The following POLR2D variants were observed in gnomAD, a reference collection of about 807,000 sequenced individuals.
The protein encoded by POLR2D is RNA polymerase II subunit D, also known as DNA-directed RNA polymerase II subunit RPB4.
POLR2D carries 10 observed loss-of-function variants against 17.6 expected under a neutral mutation model. That is an observed-to-expected ratio of 0.57 (90% CI 0.35 to 0.96). The LOEUF is 0.96. POLR2D is among the 40% of genes least tolerant of loss of function. The pLI, the probability that POLR2D is intolerant of heterozygous loss-of-function variation, is 0.02. For synonymous variants in POLR2D, 52 were observed against 60.2 expected, an observed-to-expected ratio of 0.86 and a Z score of 0.63; for missense variants, 126 against 176.4, an observed-to-expected ratio of 0.71 and a Z score of 1.62.
At chr2:127,857,703 G>C (rs1366314438) in intron 1 of POLR2D, 1 of 689,958 alleles carries the variant, frequency 1.4e-6, no homozygotes, top group African/African-American at 1.9e-5. Flanking sequence ...AGTTGAGTTC[G>C]GTTCACGCTG....
rs1491561908 is a variant in POLR2D, at chr2:127,845,594, C to CA, written c.*2512dup. On this transcript the variant is annotated 3_prime_UTR_variant, in exon 4 of 4. Transcript: ENST00000272645. ...TTCTCCATGTTGGTCAGGATGGTCT[C>CA]AAACTCCCAACCTCAGGTGATCCGC... The CA allele has an allele frequency of 6.6e-6, 1 of 151,988 alleles. No homozygotes were observed. The highest frequency in any genetic ancestry group is 2.4e-5 in the African/African-American group (1 of 41,346). 9.4% of individuals were successfully genotyped at this position (151,988 alleles called of 1,614,324 possible). A position where few individuals can be genotyped will look rare whatever the true frequency, so the allele number is the denominator to read the frequency against.
intron 3 of POLR2D, among the ~76,000 whole-genome samples, chr2:127,849,836 A>C (rs1385590641): frequency 2.0e-5 from 3 of 151,968 alleles, no homozygotes; most frequent in Admixed American, 1.3e-4. Context: ...ACTTGAGGCC[A>C]GAAGTTTGAG....
chr2:127,852,970 C>T lies in POLR2D; in HGVS notation c.209G>A (p.Arg70His). 6.2e-7 allele frequency: 1 copy of T among 1,613,980 alleles called. No individual in the cohort carries two copies. Among genetic ancestry groups the T allele is most frequent in the Non-Finnish European group, 8.5e-7 (1 of 1,179,914 alleles). Residue 70 changes from arginine to histidine, a missense_variant, in exon 2 of 4, where the codon CGT (arginine) becomes CAT (histidine). Coordinates refer to ENST00000272645, the MANE Select transcript of POLR2D (RefSeq NM_004805.4). This position sits in a 1 kb window ranked among gnomAD's most constrained non-coding sequence, Gnocchi z 4.0. ...VFMKTLNYTA[R>H]FSRFKNRETI... Reference sequence around the variant, plus strand: ...CTCTCTGTTTTTGAAACGACTGAAACGGGCTGTGTAGTTTAATGTTTTCAT... The same window carrying T: ...CTCTCTGTTTTTGAAACGACTGAAATGGGCTGTGTAGTTTAATGTTTTCAT...
Position 127,848,123 on chromosome 2 carries a change from C to T in POLR2D, c.413G>A (p.Arg138His). ...QQILDDIQTK[R>H]SFQY Reference sequence around the variant, plus strand: ...GTTTGGAGATTAATACTGAAAGCTGCGCTTTGTCTGGATATCATCAAGAAT... The same window carrying T: ...GTTTGGAGATTAATACTGAAAGCTGTGCTTTGTCTGGATATCATCAAGAAT... Residue 138 changes from arginine to histidine, a missense_variant, in exon 4 of 4, where the codon CGC becomes CAC. By Grantham distance (29) the Arg-to-His change is conservative. Transcript: ENST00000272645. The T allele has an allele frequency of 6.2e-7, 1 of 1,608,774 alleles. No individual in the cohort carries two copies. Among genetic ancestry groups the T allele is most frequent in the Non-Finnish European group, 8.5e-7 (1 of 1,175,166 alleles).
Position 127,853,005 on chromosome 2 carries a change from T to G in POLR2D, c.174A>C (p.Ser58=). The G allele has an allele frequency of 6.2e-7, 1 of 1,613,752 alleles. No individual in the cohort carries two copies. Among genetic ancestry groups the G allele is most frequent in the Non-Finnish European group, 8.5e-7 (1 of 1,179,586 alleles). The change falls in exon 2 of 4, where the codon TCA becomes TCC. Residue 58 remains serine, a synonymous_variant. Coordinates refer to ENST00000272645, the MANE Select transcript of POLR2D (RefSeq NM_004805.4). Reference sequence around the variant, plus strand: ...AGTTTAATGTTTTCATGAAGACTTCTGAGAGCTCCTGTTCGTCCTCTGCAC... The same window carrying G: ...AGTTTAATGTTTTCATGAAGACTTCGGAGAGCTCCTGTTCGTCCTCTGCAC... The part of the protein sequence containing the change: ...NESAEDEQEL[S]EVFMKTLNYT...
chr2:127,857,801 G>A (rs761711042), intron 1 of POLR2D: 57 of 1,307,792 alleles, frequency 4.4e-5, no homozygotes, highest in Non-Finnish European at 5.1e-5. Flanking sequence ...CTTTGACACA[G>A]GTCCCCGGAA....
intron 3 of POLR2D, among the ~76,000 whole-genome samples, chr2:127,850,178 C>A (rs1028322084): frequency 2.0e-5 from 3 of 151,846 alleles, no homozygotes. Flanking sequence ...CGGTGGCTCA[C>A]GCCTGTAATC....
At chr2:127,849,137 C>T (rs931596804) in intron 3 of POLR2D, among the ~76,000 whole-genome samples, 2 of 152,062 alleles carry the variant, frequency 1.3e-5, no homozygotes, top group African/African-American at 4.8e-5. Context: ...CATCACCTCT[C>T]GGGTTCCAGT....
rs1690142869 is a variant in POLR2D, at chr2:127,845,698, T to C, written c.*2409A>G. ...CCCAATTTCATTTATTTTCCAAGTC[T>C]GATACTATCAGTTGGTAGGCTAACA... On this transcript the variant is annotated 3_prime_UTR_variant, in exon 4 of 4. Coordinates refer to ENST00000272645, the MANE Select transcript of POLR2D (RefSeq NM_004805.4). The C allele has an allele frequency of 6.6e-6, 1 of 152,180 alleles. No homozygotes were observed. Among genetic ancestry groups the C allele is most frequent in the Non-Finnish European group, 1.5e-5 (1 of 68,042 alleles). 9.4% of individuals were successfully genotyped at this position (152,180 alleles called of 1,614,324 possible). A position where few individuals can be genotyped will look rare whatever the true frequency, so the allele number is the denominator to read the frequency against.
intron 1 of POLR2D, among the ~76,000 whole-genome samples, chr2:127,855,436 T>C (rs1373974463): frequency 6.6e-6 from 1 of 150,900 alleles, no homozygotes; most frequent in African/African-American, 2.4e-5. Context: ...GGTCCCTTTC[T>C]GCACTAAACC....
At chr2:127,855,003 A>G (rs1690305984) in intron 1 of POLR2D, among the ~76,000 whole-genome samples, 2 of 128,404 alleles carry the variant, frequency 1.6e-5, no homozygotes, top group Admixed American at 1.4e-4. Context: ...CATCAGGCCA[A>G]AAAAAAAAAA....
chr2:127,853,816 CCACAGTTACATACCACAAGG>C (rs939079537), intron 1 of POLR2D, among the ~76,000 whole-genome samples: 52 of 152,232 alleles, frequency 3.4e-4, no homozygotes, highest in Middle Eastern at 3.4e-3. Flanking sequence ...TTAAGTTCAC[CCACAGTTACATACCACAAGG>C]CACAGTTACA....
intron 1 of POLR2D, among the ~76,000 whole-genome samples, chr2:127,853,840 A>G (rs943856487): frequency 2.0e-5 from 3 of 152,184 alleles, no homozygotes; most frequent in Non-Finnish European, 4.4e-5. Flanking sequence ...CACAAGGCAC[A>G]GTTACATACC....
At position 127,847,929 on chromosome 2, in the gene POLR2D, C is replaced by A; in HGVS notation, c.*178G>T. On this transcript the variant is annotated 3_prime_UTR_variant, in exon 4 of 4. Transcript: ENST00000272645. ...AAGGCTGCTCCAAGATTCCATGTCA[C>A]CTGGGCCTGTGAGTTATTTGAAACA... 1 of 630,920 alleles carries A rather than the reference C, an allele frequency of 1.6e-6. No individual in the cohort carries two copies. Among genetic ancestry groups the A allele is most frequent in the Non-Finnish European group, 2.9e-6 (1 of 348,714 alleles). 39.1% of individuals were successfully genotyped at this position (630,920 alleles called of 1,614,324 possible).
At chr2:127,848,770 C>T (rs1322735852) in intron 3 of POLR2D, among the ~76,000 whole-genome samples, 4 of 152,240 alleles carry the variant, frequency 2.6e-5, no homozygotes, top group Non-Finnish European at 4.4e-5. Context: ...CCCGCCTCAG[C>T]CTCCCAAAGT....
At position 127,845,914 on chromosome 2, in the gene POLR2D, A is replaced by C. The variant is rs1032993126; in HGVS notation, c.*2193T>G. On this transcript the variant is annotated 3_prime_UTR_variant, in exon 4 of 4. Transcript: ENST00000272645. ...ACCCATGGGGCAGATACTATTATCC[A>C]TATTTCACAATTGAGAACACCAATG... 2 of 152,250 alleles carry C rather than the reference A, an allele frequency of 1.3e-5. No homozygotes were observed. The highest frequency in any genetic ancestry group is 2.9e-5 in the Non-Finnish European group (2 of 68,048). 9.4% of individuals were successfully genotyped at this position (152,250 alleles called of 1,614,324 possible).
chr2:127,856,187 AGT>A (rs1223688260), intron 1 of POLR2D, among the ~76,000 whole-genome samples: 1 of 149,058 alleles, frequency 6.7e-6, no homozygotes, highest in Non-Finnish European at 1.5e-5. Context: ...CAGAGGCTGA[AGT>A]GAGGTGAGAG....
chr2:127,856,290 C>CAAAAAAAAAAAAAAA (rs61249327), intron 1 of POLR2D, among the ~76,000 whole-genome samples: 338 of 25,386 alleles, frequency 0.013, 64 homozygotes, highest in African/African-American at 0.041. Flanking sequence ...GATCCCGTCT[C>CAAAAAAAAAAAAAAA]AAAAAAAAAA....
intron 1 of POLR2D, among the ~76,000 whole-genome samples, chr2:127,854,310 A>G (rs1274701188): frequency 6.6e-6 from 1 of 152,160 alleles, no homozygotes; most frequent in African/African-American, 2.4e-5. Context: ...TTATGTTCCT[A>G]ATGTTTATCT....
Sources: gnomAD v4.1 joint callset for allele counts (sites outside exome capture counted in the v4.1 genomes callset) on GRCh38, gnomAD v4.1.1 for gene constraint, Gnocchi (gnomAD v3.1) non-coding constraint, MANE v1.5 for transcripts, NCBI Gene and HGNC (gene_info 2026-07-23, HGNC 2026-07-21) for gene names.